Variants in CDK17 observed in about 807,000 individuals in gnomAD.
CDK17 encodes cyclin-dependent kinase 17.
In CDK17, 24 loss-of-function variants were observed where a neutral mutation model predicts 77.6. The ratio of observed to expected loss-of-function variants is 0.31; its 90% CI spans 0.22 to 0.44. CDK17 has a LOEUF of 0.44. CDK17 is among the 20% of genes least tolerant of loss of function. The pLI is 1.00. For synonymous variants in CDK17, 203 were observed against 210.4 expected, an observed-to-expected ratio of 0.96 and a Z score of 0.30; for missense variants, 429 against 622.5, an observed-to-expected ratio of 0.69 and a Z score of 3.31.
At chr12:96,312,869 A>T (rs1317571696) in intron 4 of CDK17, among the ~76,000 whole-genome samples, 1 of 152,188 alleles carries the variant, frequency 6.6e-6, no homozygotes, top group East Asian at 1.9e-4. Context: ...TTTATAATAT[A>T]ATGCAAGAAA....
chr12:96,303,874 G>A (rs1374863881), intron 5 of CDK17, among the ~76,000 whole-genome samples: 2 of 152,094 alleles, frequency 1.3e-5, no homozygotes, highest in African/African-American at 4.8e-5. Flanking sequence ...CTTATCCACA[G>A]GGGATACTTC....
At chr12:96,397,042 C>T (rs920236184) in intron 1 of CDK17, among the ~76,000 whole-genome samples, 1 of 152,066 alleles carries the variant, frequency 6.6e-6, no homozygotes, top group Non-Finnish European at 1.5e-5. Flanking sequence ...TTACAGCTTC[C>T]ATTGTTCAAA....
chr12:96,330,749 T>C (rs2137136628), intron 2 of CDK17, among the ~76,000 whole-genome samples: 1 of 152,366 alleles, frequency 6.6e-6, no homozygotes, highest in South Asian at 2.1e-4. Flanking sequence ...TCCATTCATC[T>C]GTTGATGGGC....
chr12:96,304,859 G>A (rs10777783), intron 5 of CDK17, among the ~76,000 whole-genome samples: 46,610 of 152,032 alleles, frequency 0.31, 7,493 homozygotes, highest in East Asian at 0.58. Flanking sequence ...GGACTTGATT[G>A]TATTTTCTCA....
chr12:96,301,625 G>GC (rs1364172319), intron 5 of CDK17, among the ~76,000 whole-genome samples: 2 of 152,084 alleles, frequency 1.3e-5, no homozygotes, highest in Non-Finnish European at 2.9e-5. Flanking sequence ...TGGTGCTAAT[G>GC]CCCTTAAATA....
At chr12:96,310,119 TA>T (rs1952628521) in intron 5 of CDK17, among the ~76,000 whole-genome samples, 1 of 152,128 alleles carries the variant, frequency 6.6e-6, no homozygotes, top group African/African-American at 2.4e-5. Context: ...AGTACACTCA[TA>T]AATGGAATAC....
At chr12:96,321,710 C>CA (rs1369493635) in intron 3 of CDK17, among the ~76,000 whole-genome samples, 2 of 91,722 alleles carry the variant, frequency 2.2e-5, no homozygotes, top group African/African-American at 8.4e-5. Flanking sequence ...ATCGCAAGAA[C>CA]AAAAAACCAA....
At chr12:96,341,393 T>A (rs1023046072) in intron 1 of CDK17, among the ~76,000 whole-genome samples, 1 of 152,050 alleles carries the variant, frequency 6.6e-6, no homozygotes, top group Non-Finnish European at 1.5e-5. Context: ...TTTTTCTAGA[T>A]GTCAAAAACA....
chr12:96,350,008 G>T (rs796236400), intron 1 of CDK17, among the ~76,000 whole-genome samples: 11 of 152,160 alleles, frequency 7.2e-5, no homozygotes, highest in African/African-American at 1.7e-4. Flanking sequence ...ATTTTAAAAA[G>T]AATCCATTTA....
chr12:96,375,831 G>A (rs760343376), intron 1 of CDK17, among the ~76,000 whole-genome samples: 4 of 151,892 alleles, frequency 2.6e-5, no homozygotes, highest in Non-Finnish European at 5.9e-5. Context: ...CAGTGATCCT[G>A]ACCTCTTTAT....
At chr12:96,331,850 C>T (rs1443763117) in intron 2 of CDK17, among the ~76,000 whole-genome samples, 1 of 152,088 alleles carries the variant, frequency 6.6e-6, no homozygotes, top group Non-Finnish European at 1.5e-5. Flanking sequence ...GTGATCATGC[C>T]TGTGACTAAT....
At chr12:96,324,761 C>T (rs761685976) in intron 2 of CDK17, among the ~76,000 whole-genome samples, 1 of 151,014 alleles carries the variant, frequency 6.6e-6, no homozygotes, top group East Asian at 1.9e-4. Flanking sequence ...AGCAAGACTC[C>T]GTCTCAAAAA....
chr12:96,336,569 G>C (rs1378020728), intron 1 of CDK17, among the ~76,000 whole-genome samples: 2 of 152,140 alleles, frequency 1.3e-5, no homozygotes, highest in Non-Finnish European at 2.9e-5. Flanking sequence ...ACTTTAATAA[G>C]GACTCTTTTC....
chr12:96,317,078 A>C (rs1317111061), intron 3 of CDK17, among the ~76,000 whole-genome samples: 1 of 131,824 alleles, frequency 7.6e-6, no homozygotes, highest in African/African-American at 2.8e-5. Context: ...AGAAGAATGT[A>C]TAACTAGAAT....
intron 1 of CDK17, among the ~76,000 whole-genome samples, chr12:96,358,042 T>C (rs1953427332): frequency 6.6e-6 from 1 of 152,140 alleles, no homozygotes; most frequent in Non-Finnish European, 1.5e-5. Flanking sequence ...ATATTAGTAA[T>C]GTGATCTTTA....
intron 5 of CDK17, 95 bp from the exon 6 acceptor site, chr12:96,300,455 G>T: frequency 1.4e-6 from 1 of 719,386 alleles, no homozygotes. Context: ...GGAGTGCAGC[G>T]GCACAATCTT....
At chr12:96,391,596 T>C (rs1384582843) in intron 1 of CDK17, among the ~76,000 whole-genome samples, 1 of 152,204 alleles carries the variant, frequency 6.6e-6, no homozygotes, top group Non-Finnish European at 1.5e-5. Context: ...AGGCCAGTTT[T>C]TTTCGGTTAA....
At chr12:96,348,523 C>CAAAAAAAAAAAAAAAAAAACAA (rs1953263076) in intron 1 of CDK17, among the ~76,000 whole-genome samples, 13 of 66,336 alleles carry the variant, frequency 2.0e-4, no homozygotes, top group South Asian at 1.2e-3. Context: ...GACTCTGTCT[C>CAAAAAAAAAAAAAAAAAAACAA]AAAAAAAAAA....
rs117709108 is a variant in CDK17, at chr12:96,283,585, C to T, written c.1365+18G>A. On this transcript the variant is annotated intron_variant, in intron 14 of 16. Transcript: ENST00000261211. ...GGCTTAACAACCTATTTAACAATTACTGTAAGAACTGACTTACCTGAAGAA... is the reference window on the plus strand; with the variant it reads ...GGCTTAACAACCTATTTAACAATTATTGTAAGAACTGACTTACCTGAAGAA... The T allele has an allele frequency of 8.6e-3, 13,054 of 1,515,942 alleles. 91 individuals are homozygous for T. Among genetic ancestry groups the T allele is most frequent in the Admixed American group, 0.011 (622 of 59,148 alleles). 93.9% of individuals were successfully genotyped at this position (1,515,942 alleles called of 1,614,324 possible).
Sources: allele counts gnomAD v4.1 joint callset (sites outside exome capture counted in the v4.1 genomes callset), GRCh38; gene constraint gnomAD v4.1.1; transcripts MANE v1.5; gene names NCBI Gene and HGNC (gene_info 2026-07-23, HGNC 2026-07-21).